ESR1: variants seen among roughly 807,000 people sequenced by gnomAD.
ESR1 encodes estrogen receptor 1.
ESR1 carries 12 observed loss-of-function variants against 52.7 expected under a neutral mutation model. That is an observed-to-expected ratio of 0.23 (90% CI 0.15 to 0.37). The LOEUF is 0.37. Among genes scored for constraint, ESR1 ranks in the 10% least tolerant of loss-of-function variants. ESR1 has a pLI of 1.00. For synonymous variants in ESR1, 305 were observed against 316.8 expected, an observed-to-expected ratio of 0.96 and a Z score of 0.39; for missense variants, 584 against 779.7, an observed-to-expected ratio of 0.75 and a Z score of 2.99.
At chr6:151,728,220 A>G (rs1401883063) in intron 2 of ESR1, among the ~76,000 whole-genome samples, 1 of 152,180 alleles carries the variant, frequency 6.6e-6, no homozygotes, top group Non-Finnish European at 1.5e-5. Flanking sequence ...TGTTCTATTT[A>G]CCCAATAAGA....
At chr6:151,944,096 T>G in intron 3 of ESR1, 77 bp from the exon 4 acceptor site, 1 of 1,261,690 alleles carries the variant, frequency 7.9e-7, no homozygotes, top group East Asian at 2.4e-5. Flanking sequence ...GAAAGCTGGT[T>G]AGCTTTGAAA....
chr6:151,779,415 A>G (rs936970384), intron 2 of ESR1, among the ~76,000 whole-genome samples: 1 of 152,230 alleles, frequency 6.6e-6, no homozygotes, highest in African/African-American at 2.4e-5. Flanking sequence ...GCCAACAAAC[A>G]TATGAAAAAA....
At chr6:151,857,505 A>C (rs1403942244) in intron 2 of ESR1, among the ~76,000 whole-genome samples, 1 of 151,694 alleles carries the variant, frequency 6.6e-6, no homozygotes, top group African/African-American at 2.4e-5. Flanking sequence ...ACACACACAC[A>C]CACACCAATG....
intron 3 of ESR1, among the ~76,000 whole-genome samples, chr6:151,920,162 C>G (rs1365893939): frequency 2.0e-5 from 3 of 152,122 alleles, no homozygotes; most frequent in Non-Finnish European, 4.4e-5. Context: ...TATTTTGACT[C>G]AAACTCTAAG....
At chr6:151,861,076 G>C (rs1459611894) in intron 2 of ESR1, among the ~76,000 whole-genome samples, 5 of 152,080 alleles carry the variant, frequency 3.3e-5, no homozygotes, top group Non-Finnish European at 7.4e-5. Context: ...GTGGTATTTA[G>C]TTTGCACAGT....
At chr6:151,883,674 C>A (rs1456317564) in intron 3 of ESR1, among the ~76,000 whole-genome samples, 1 of 152,160 alleles carries the variant, frequency 6.6e-6, no homozygotes, top group Non-Finnish European at 1.5e-5. Flanking sequence ...TCATAACAGG[C>A]TGCCCTCCCA....
At chr6:151,826,731 A>G (rs1470680269) in intron 1 of ESR1, among the ~76,000 whole-genome samples, 1 of 152,166 alleles carries the variant, frequency 6.6e-6, no homozygotes, top group Non-Finnish European at 1.5e-5. Flanking sequence ...CACGTTGCTC[A>G]TTTATTCATT....
chr6:151,814,095 T>A (rs984228122), intron 1 of ESR1: 5 of 152,260 alleles, frequency 3.3e-5, no homozygotes, highest in Non-Finnish European at 5.9e-5. Flanking sequence ...CGGTGGCAAG[T>A]TAGGGGCCCC....
chr6:151,934,260 A>T (rs1293347688), intron 3 of ESR1, among the ~76,000 whole-genome samples: 2 of 152,162 alleles, frequency 1.3e-5, no homozygotes, highest in Non-Finnish European at 2.9e-5. Context: ...CCTGATCTAA[A>T]CACCCTCTCC....
At chr6:151,837,512 T>C (rs1039861966) in intron 1 of ESR1, among the ~76,000 whole-genome samples, 1 of 152,132 alleles carries the variant, frequency 6.6e-6, no homozygotes, top group African/African-American at 2.4e-5. Context: ...GATGCAGTGG[T>C]ATTGTGTCTT....
intron 6 of ESR1, among the ~76,000 whole-genome samples, chr6:152,114,408 C>T (rs1373076260): frequency 3.9e-5 from 6 of 152,012 alleles, no homozygotes; most frequent in African/African-American, 1.4e-4. Context: ...AGCTCATCTC[C>T]TAGGATTCAT....
At chr6:152,007,198 T>G (rs1374197276) in intron 4 of ESR1, among the ~76,000 whole-genome samples, 1 of 151,988 alleles carries the variant, frequency 6.6e-6, no homozygotes, top group Non-Finnish European at 1.5e-5. Flanking sequence ...CAACGCAAAT[T>G]AGGCAATTTG....
chr6:152,039,679 A>G (rs981435293), intron 5 of ESR1, among the ~76,000 whole-genome samples: 10 of 152,052 alleles, frequency 6.6e-5, no homozygotes, highest in African/African-American at 2.2e-4. Flanking sequence ...TGGCTATGGG[A>G]GAAACAGTAC....
chr6:151,775,357 C>T (rs540546068), intron 2 of ESR1, among the ~76,000 whole-genome samples: 4 of 152,238 alleles, frequency 2.6e-5, no homozygotes, highest in African/African-American at 9.6e-5. Flanking sequence ...TGAGCATTTC[C>T]TTTCAGTGTC....
chr6:152,083,733 A>C (rs58461766), intron 6 of ESR1, among the ~76,000 whole-genome samples: 32,073 of 152,092 alleles, frequency 0.21, 4,777 homozygotes, highest in African/African-American at 0.41. Context: ...ATCTTTGTAG[A>C]ATCTGCAAAG....
At chr6:152,035,274 A>G (rs1456885924) in intron 5 of ESR1, among the ~76,000 whole-genome samples, 1 of 151,240 alleles carries the variant, frequency 6.6e-6, no homozygotes, top group African/African-American at 2.4e-5. Context: ...CAAATACAAA[A>G]CATAATTATA....
chr6:151,669,374 G>C (rs1777969662), intron 1 of ESR1, among the ~76,000 whole-genome samples: 1 of 152,050 alleles, frequency 6.6e-6, no homozygotes, highest in African/African-American at 2.4e-5. Flanking sequence ...CAAGCCTACA[G>C]AGAATTTGAG....
chr6:152,045,694 G>C (rs60693153), intron 5 of ESR1, among the ~76,000 whole-genome samples: 17,569 of 152,110 alleles, frequency 0.12, 1,264 homozygotes, highest in East Asian at 0.33. Context: ...ATGAAGGTTA[G>C]CTTTCATTGG....
At chr6:151,826,342 A>C (rs1781497319) in intron 1 of ESR1, among the ~76,000 whole-genome samples, 1 of 152,214 alleles carries the variant, frequency 6.6e-6, no homozygotes, top group African/African-American at 2.4e-5. Context: ...TTATATTCAG[A>C]GATTTTAGGT....
Sources: gnomAD v4.1 joint callset for allele counts (sites outside exome capture counted in the v4.1 genomes callset) on GRCh38, gnomAD v4.1.1 for gene constraint, MANE v1.5 for transcripts, NCBI Gene and HGNC (gene_info 2026-07-23, HGNC 2026-07-21) for gene names.